Variants in IZUMO3 observed in about 807,000 individuals in gnomAD.
IZUMO3 encodes IZUMO family member 3.
IZUMO3 carries 36 observed loss-of-function variants against 28.4 expected under a neutral mutation model. The ratio of observed to expected loss-of-function variants is 1.27; its 90% CI spans 0.97 to 1.67. IZUMO3 has a LOEUF of 1.67. IZUMO3 is among the 40% of genes most tolerant of loss of function. The pLI is 0.00. For synonymous variants in IZUMO3, 126 were observed against 99.2 expected, an observed-to-expected ratio of 1.27 and a Z score of -1.61; for missense variants, 387 against 278.5, an observed-to-expected ratio of 1.39 and a Z score of -2.77.
In IZUMO3 at chr9:24,543,083, A is replaced by T; in HGVS notation, c.*146T>A. 1.6e-6 allele frequency: 1 copy of T among 639,648 alleles called. No individual in the cohort carries two copies. The highest frequency in any genetic ancestry group is 2.4e-6 in the Non-Finnish European group (1 of 412,068). 39.6% of individuals were successfully genotyped at this position (639,648 alleles called of 1,614,324 possible). ...CTTCCGTTGTCTCAGGATATCAATA[A>T]GCATTTTCATTAGAGAAACTCTAAG... is the stretch of plus-strand genomic sequence containing the variant. On this transcript the variant is annotated 3_prime_UTR_variant, in exon 7 of 7. Coordinates refer to ENST00000543880, the MANE Select transcript of IZUMO3 (RefSeq NM_001365008.2).
intron 6 of IZUMO3, 105 bp from the exon 7 acceptor site, chr9:24,543,472 T>G: frequency 2.6e-6 from 2 of 755,122 alleles, no homozygotes; most frequent in Non-Finnish European, 3.6e-6. Context: ...TTTTTTTTTT[T>G]GCTGGATACT....
rs373663515 is a variant in IZUMO3, at chr9:24,545,258, T to C, written c.255A>G (p.Thr85=). The change falls in exon 2 of 7, where the codon ACA becomes ACG. Residue 85 remains threonine, a synonymous_variant. Coordinates refer to ENST00000543880, the MANE Select transcript of IZUMO3 (RefSeq NM_001365008.2). Reference sequence around the variant, plus strand: ...GTTTATAAAATTCATTCTTCAACCATGTTCTCAACTTAACAACCTGCTGAA... The same window carrying C: ...GTTTATAAAATTCATTCTTCAACCACGTTCTCAACTTAACAACCTGCTGAA... ...LAVQQVVKLR[T]WLKNEFYKLG... 9.8e-4 allele frequency: 1,520 copies of C among 1,550,358 alleles called. 26 individuals carry two copies. The South Asian group carries it at 0.017, about 17-fold the overall frequency.
Position 24,545,459 on chromosome 9 carries a change from T to C in IZUMO3, c.191A>G (p.Lys64Arg). The part of the protein sequence containing the change: ...QIKEMIHLSF[K>R]VSHSDKRLRV... ...AAGCCTCTTGTCACTGTGGGAGACC[T>C]TGAAGCTTAAATGAATCATCTCCTT... Residue 64 changes from lysine to arginine, a missense_variant, in exon 1 of 7, where the codon AAG becomes AGG. Lys to Arg is a conservative substitution (Grantham distance 26). Coordinates refer to ENST00000543880, the MANE Select transcript of IZUMO3 (RefSeq NM_001365008.2). The C allele has an allele frequency of 2.0e-6, 3 of 1,536,906 alleles. No homozygotes were observed. The highest frequency in any genetic ancestry group is 2.6e-6 in the Non-Finnish European group (3 of 1,146,750).
chr9:24,545,670 C>G lies in IZUMO3; in HGVS notation c.-21G>C. ...CCCATTTCTTTCTTCACCCCCGCTCCCCGACAGCAGGTTGTCCTGGCAACT... is the reference window on the plus strand; with the variant it reads ...CCCATTTCTTTCTTCACCCCCGCTCGCCGACAGCAGGTTGTCCTGGCAACT... On this transcript the variant is annotated 5_prime_UTR_variant, in exon 1 of 7. Coordinates refer to ENST00000543880, the MANE Select transcript of IZUMO3 (RefSeq NM_001365008.2). The G allele has an allele frequency of 1.3e-6, 2 of 1,534,650 alleles. No individual in the cohort carries two copies. The highest frequency in any genetic ancestry group is 1.7e-6 in the Non-Finnish European group (2 of 1,146,414).
Position 24,545,247 on chromosome 9 carries a change from T to G in IZUMO3, c.266A>C (p.Asn89Thr). Residue 89 changes from asparagine (N) to threonine (T), a missense_variant, in exon 2 of 7, where the codon AAT becomes ACT. Physicochemically the swap from Asn to Thr is moderately conservative, Grantham distance 65. Transcript: ENST00000543880. ...TTCATTGCCCAGTTTATAAAATTCA[T>G]TCTTCAACCATGTTCTCAACTTAAC... ...QVVKLRTWLK[N>T]EFYKLGNETW... 5.2e-6 allele frequency: 8 copies of G among 1,550,416 alleles called. No homozygotes were observed. The highest frequency in any genetic ancestry group is 2.4e-5 in the East Asian group (1 of 40,904).
At chr9:24,544,114 C>G in intron 5 of IZUMO3, 87 bp downstream of exon 5, 4 of 919,514 alleles carry the variant, frequency 4.4e-6, no homozygotes, top group Non-Finnish European at 7.0e-6. Context: ...ATGTAGTGAC[C>G]CAACAAATAC....
Position 24,543,438 on chromosome 9 carries a change from G to GTTTTTTTTTTT in IZUMO3, c.582-82_582-72dup, listed in dbSNP as rs33972842. The GTTTTTTTTTTT allele has an allele frequency of 5.0e-4, 19 of 37,808 alleles. 4 individuals are homozygous for GTTTTTTTTTTT. Among genetic ancestry groups the GTTTTTTTTTTT allele is most frequent in the African/African-American group, 6.6e-4 (4 of 6,038 alleles). The allele number at this position is 37,808 out of a possible 1,614,324, so 2.3% of individuals were successfully genotyped here. On this transcript the variant is annotated intron_variant, in intron 6 of 6. Transcript: ENST00000543880. ...CCATTCTTTAAGCCAGTTATACATT[G>GTTTTTTTTTTT]TTTTTTTTTTTTTTTTTTTTTTTTT... is the stretch of plus-strand genomic sequence containing the variant.
chr9:24,543,462 T>TG, intron 6 of IZUMO3, 95 bp from the exon 7 acceptor site: 1 of 916,144 alleles, frequency 1.1e-6, no homozygotes, highest in Non-Finnish European at 1.5e-6. Flanking sequence ...TTTTTTTTTT[T>TG]TTTTTTTTTT....
intron 6 of IZUMO3, 83 bp from the exon 7 acceptor site, chr9:24,543,450 T>G (rs980711055): frequency 1.7e-5 from 14 of 818,318 alleles, no homozygotes; most frequent in African/African-American, 9.7e-5. Flanking sequence ...TTTTTTTTTT[T>G]TTTTTTTTTT....
At position 24,545,535 on chromosome 9, in the gene IZUMO3, G is replaced by C; in HGVS notation, c.115C>G (p.Leu39Val). ...IEDVGSLLGN[L>V]IPSEVPGRTQ... Reference sequence around the variant, plus strand: ...CGGCCGGGGACTTCTGAAGGTATCAGATTTCCCAGCAAGGAGCCAACATCC... The same window carrying C: ...CGGCCGGGGACTTCTGAAGGTATCACATTTCCCAGCAAGGAGCCAACATCC... Residue 39 changes from leucine to valine, a missense_variant, in exon 1 of 7, where the codon CTG becomes GTG. Coordinates refer to ENST00000543880, the MANE Select transcript of IZUMO3 (RefSeq NM_001365008.2). The C allele has an allele frequency of 6.5e-7, 1 of 1,535,370 alleles. No homozygotes were observed. The highest frequency in any genetic ancestry group is 1.7e-4 in the Middle Eastern group (1 of 5,984).
rs966886599 is a variant in IZUMO3 at position 24,544,732 on chromosome 9, A to G, written c.409+11T>C. 3.9e-5 allele frequency: 60 copies of G among 1,549,526 alleles called. No homozygotes were observed. The highest frequency in any genetic ancestry group is 2.7e-4 in the African/African-American group (20 of 73,008). On this transcript the variant is annotated intron_variant, in intron 4 of 6. Coordinates refer to ENST00000543880, the MANE Select transcript of IZUMO3 (RefSeq NM_001365008.2). ...GCTGAAACCTCAAGGCGTCACATGT[A>G]CTGTACTCACTGCAATCTTCAGAAC...
At chr9:24,543,787 G>C in intron 5 of IZUMO3, 33 bp from the exon 6 acceptor site, 1 of 1,375,942 alleles carries the variant, frequency 7.3e-7, no homozygotes, top group African/African-American at 1.4e-5. Context: ...ATGAAAGTGA[G>C]TTTTGGAGAA....
chr9:24,543,046 G>C lies in IZUMO3; in HGVS notation c.*183C>G, dbSNP rs16908482. 0.041 allele frequency: 19,703 copies of C among 481,488 alleles called. 527 individuals carry two copies. The highest frequency in any genetic ancestry group is 0.076 in the African/African-American group (3,823 of 50,150). 29.8% of individuals were successfully genotyped at this position (481,488 alleles called of 1,614,324 possible). ...CTGTACAACTCTGGCCAAATTATTT[G>C]CTCTCCCATTACTTCCGTTGTCTCA... On this transcript the variant is annotated 3_prime_UTR_variant, in exon 7 of 7. Coordinates refer to ENST00000543880, the MANE Select transcript of IZUMO3 (RefSeq NM_001365008.2).
At position 24,543,352 on chromosome 9, in the gene IZUMO3, G is replaced by C. The variant is rs531729550; in HGVS notation, c.597C>G (p.Ile199Met). 5 of 1,478,660 alleles carry C rather than the reference G, an allele frequency of 3.4e-6. No homozygotes were observed. The South Asian group carries it at 4.9e-5, about 14-fold the overall frequency. The allele number at this position is 1,478,660 out of a possible 1,614,324, so 91.6% of individuals were successfully genotyped here. ...TTGCCTTCATTTTCCTCCGATGAAA[G>C]ATGCAAAAATGGAATCTAGAGTAGG... The part of the protein sequence containing the change: ...GSAVLLFHFC[I>M]FHRRKMKAIR... Residue 199 changes from isoleucine to methionine, a missense_variant, in exon 7 of 7, where the codon ATC (isoleucine) becomes ATG (methionine). Transcript: ENST00000543880.
At chr9:24,544,936 T>C (rs987498452) in intron 3 of IZUMO3, 36 bp downstream of exon 3, 2 of 1,446,808 alleles carry the variant, frequency 1.4e-6, no homozygotes, top group African/African-American at 2.8e-5. Flanking sequence ...TCCCTTCATA[T>C]AACTTCAGTG....
rs1238585244 is a variant in IZUMO3, at chr9:24,545,309, C to A, written c.227-23G>T. The A allele has an allele frequency of 3.2e-6, 5 of 1,548,074 alleles. No individual in the cohort carries two copies. The South Asian group carries it at 4.8e-5, about 15-fold the overall frequency. ...CAGCTAGAGAGGGAGAGTAAAGGTA[C>A]ATGTAGGGGAATAATTACATCTATG... On this transcript the variant is annotated intron_variant, in intron 1 of 6. Coordinates refer to ENST00000543880, the MANE Select transcript of IZUMO3 (RefSeq NM_001365008.2).
Position 24,545,671 on chromosome 9 carries a change from C to A in IZUMO3, c.-22G>T. The A allele has an allele frequency of 6.5e-7, 1 of 1,534,676 alleles. No individual in the cohort carries two copies. Among genetic ancestry groups the A allele is most frequent in the South Asian group, 1.2e-5 (1 of 83,996 alleles). ...CCATTTCTTTCTTCACCCCCGCTCC[C>A]CGACAGCAGGTTGTCCTGGCAACTA... On this transcript the variant is annotated 5_prime_UTR_variant, in exon 1 of 7. Transcript: ENST00000543880.
chr9:24,545,158 T>C, intron 2 of IZUMO3, 54 bp downstream of exon 2: 1 of 1,519,956 alleles, frequency 6.6e-7, no homozygotes, highest in Non-Finnish European at 8.9e-7. Context: ...CCAGCCAAAT[T>C]TTCTGAGGCT....
Position 24,544,996 on chromosome 9 carries a change from A to G in IZUMO3, c.367T>C (p.Leu123=). Residue 123 remains leucine, a synonymous_variant, in exon 3 of 7, where the codon TTA becomes CTA. Coordinates refer to ENST00000543880, the MANE Select transcript of IZUMO3 (RefSeq NM_001365008.2). Reference sequence around the variant, plus strand: ...CCAATTTCAGAGAAGTTCTTTAGTAATTCTTTCAGTTTGGATTCCAGGTTT... The same window carrying G: ...CCAATTTCAGAGAAGTTCTTTAGTAGTTCTTTCAGTTTGGATTCCAGGTTT... ...CQNLESKLKE[L]LKNFSEIACS... 1 of 1,550,336 alleles carries G rather than the reference A, an allele frequency of 6.5e-7. No homozygotes were observed.
Sources: gnomAD v4.1 joint callset for allele counts on GRCh38, gnomAD v4.1.1 for gene constraint, MANE v1.5 for transcripts, NCBI Gene and HGNC (gene_info 2026-07-23, HGNC 2026-07-21) for gene names.